The following DLGAP4 variants were observed in gnomAD, a reference collection of about 807,000 sequenced individuals.
The protein encoded by DLGAP4 is disks large-associated protein 4.
Under a neutral mutation model 86.9 loss-of-function variants are expected in DLGAP4, and 18 were observed. The ratio of observed to expected loss-of-function variants is 0.21; its 90% CI spans 0.14 to 0.31. The LOEUF is 0.31. Among genes scored for constraint, DLGAP4 ranks in the 10% least tolerant of loss-of-function variants. DLGAP4 has a pLI of 1.00. For missense variants in DLGAP4, 1,085 were observed against 1,362.6 expected (o/e 0.80, Z 3.21); for synonymous variants, 548 against 574.3 (o/e 0.95, Z 0.65).
chr20:36,363,792 T>A (rs1372110551), intron 1 of DLGAP4, among the ~76,000 whole-genome samples: 1 of 152,188 alleles, frequency 6.6e-6, no homozygotes, highest in Non-Finnish European at 1.5e-5. Context: ...GGGTTTGGAA[T>A]TTTGTCTCAT....
At chr20:36,327,932 C>T (rs2065232488) in intron 1 of DLGAP4, among the ~76,000 whole-genome samples, 1 of 148,740 alleles carries the variant, frequency 6.7e-6, no homozygotes, top group African/African-American at 2.4e-5. Flanking sequence ...GGCACAGTGG[C>T]TCACGCCTGT....
chr20:36,483,028 C>T (rs188583652), intron 7 of DLGAP4, among the ~76,000 whole-genome samples: 254 of 152,250 alleles, frequency 1.7e-3, no homozygotes, highest in Middle Eastern at 3.4e-3. Context: ...GTAGCTTGGG[C>T]GCTACCATCT....
At position 36,306,768 on chromosome 20, in the gene DLGAP4, C is replaced by T. The variant is rs1449706255; in HGVS notation, c.-304+256C>T. Among the ~76,000 whole-genome samples the T allele has an allele frequency of 2.0e-5, 3 of 152,100 alleles. No homozygotes were observed. Among genetic ancestry groups the T allele is most frequent in the Non-Finnish European group, 2.9e-5 (2 of 67,994 alleles). ...TCCATGTCTCCCCGGACCCTCAAAT[C>T]GGGGGCGGCGGCACCGGGGCCCGGA... On this transcript the variant is annotated intron_variant, in intron 1 of 12. Coordinates refer to ENST00000339266, the MANE Select transcript of DLGAP4 (RefSeq NM_001365621.2). This position sits in a 1 kb window ranked among gnomAD's most constrained non-coding sequence, Gnocchi z 4.9.
intron 7 of DLGAP4, among the ~76,000 whole-genome samples, chr20:36,479,679 A>T (rs1287586127): frequency 6.6e-6 from 1 of 152,134 alleles, no homozygotes; most frequent in Non-Finnish European, 1.5e-5. Context: ...GTGTGTTGGC[A>T]TGAAGGGGGT....
chr20:36,340,940 C>T (rs1910029770), intron 1 of DLGAP4, among the ~76,000 whole-genome samples: 1 of 152,230 alleles, frequency 6.6e-6, no homozygotes. Flanking sequence ...CACATGCCAG[C>T]AAGTTGGGCC....
chr20:36,481,106 G>A (rs113050675), intron 7 of DLGAP4, among the ~76,000 whole-genome samples: 10 of 152,100 alleles, frequency 6.6e-5, no homozygotes, highest in East Asian at 1.9e-4. Context: ...TCTCAGGCCC[G>A]GTAGGAATCT....
intron 2 of DLGAP4, among the ~76,000 whole-genome samples, chr20:36,377,111 A>G (rs1462061973): frequency 1.3e-5 from 2 of 152,196 alleles, no homozygotes; most frequent in Non-Finnish European, 2.9e-5. Flanking sequence ...TGGAGGAGGC[A>G]GGGTCTGGGT....
chr20:36,499,077 G>T, intron 8 of DLGAP4: 1 of 679,990 alleles, frequency 1.5e-6, no homozygotes, highest in Non-Finnish European at 2.5e-6. Flanking sequence ...AGGCGCCTCT[G>T]GCCTGCCCTC....
chr20:36,358,765 G>C (rs2030419556), intron 1 of DLGAP4, among the ~76,000 whole-genome samples: 2 of 152,108 alleles, frequency 1.3e-5, no homozygotes, highest in African/African-American at 2.4e-5. Flanking sequence ...CCGAGATGGT[G>C]CCACTGCACT....
intron 10 of DLGAP4, among the ~76,000 whole-genome samples, chr20:36,514,942 G>A (rs577822555): frequency 1.3e-5 from 2 of 152,228 alleles, no homozygotes; most frequent in Non-Finnish European, 2.9e-5. Flanking sequence ...GATGGGAGCA[G>A]AGTCATCACC....
chr20:36,453,298 A>T (rs970313927), intron 7 of DLGAP4, among the ~76,000 whole-genome samples: 22 of 151,778 alleles, frequency 1.4e-4, no homozygotes, highest in African/African-American at 4.6e-4. Flanking sequence ...TCTACAAAAA[A>T]TTTTTTTTTA....
intron 2 of DLGAP4, among the ~76,000 whole-genome samples, chr20:36,425,154 GA>G (rs1316683494): frequency 6.6e-6 from 1 of 152,156 alleles, no homozygotes; most frequent in Non-Finnish European, 1.5e-5. Context: ...CAGAATGGGA[GA>G]AAATATTTAC....
At chr20:36,402,051 G>T (rs1444824073) in intron 2 of DLGAP4, among the ~76,000 whole-genome samples, 1 of 152,180 alleles carries the variant, frequency 6.6e-6, no homozygotes, top group African/African-American at 2.4e-5. Context: ...CTACATCTGT[G>T]TTCAGTAGAT....
At position 36,528,446 on chromosome 20, in the gene DLGAP4, A is replaced by ATCC. The variant is rs2037904105; in HGVS notation, c.*1415_*1416insTCC. 2 of 141,324 alleles carry ATCC rather than the reference A, an allele frequency of 1.4e-5. No homozygotes were observed. Among genetic ancestry groups the ATCC allele is most frequent in the Non-Finnish European group, 3.1e-5 (2 of 65,506 alleles). 8.8% of individuals were successfully genotyped at this position (141,324 alleles called of 1,614,324 possible). On this transcript the variant is annotated 3_prime_UTR_variant, in exon 13 of 13. Transcript: ENST00000339266. ...TGGCTGGCGCTTGCTGCAGGGGGGG[A>ATCC]CCCCCCCCCGTCCCCAGGTGAACCA...
At chr20:36,499,086 T>C in intron 8 of DLGAP4, 1 of 730,746 alleles carries the variant, frequency 1.4e-6, no homozygotes. Flanking sequence ...TGGCCTGCCC[T>C]CCAGGTTTCT....
chr20:36,317,263 CTTTCTTTCTTTCT>C (rs2065112991), intron 1 of DLGAP4, among the ~76,000 whole-genome samples: 2,310 of 53,034 alleles, frequency 0.044, 77 homozygotes, highest in African/African-American at 0.18. Flanking sequence ...TTCTTTCTTT[CTTTCTTTCTTTCT>C]TATCTTTCTT....
intron 7 of DLGAP4, among the ~76,000 whole-genome samples, chr20:36,476,163 T>G (rs2034906762): frequency 6.6e-6 from 1 of 151,906 alleles, no homozygotes; most frequent in Middle Eastern, 3.4e-3. Flanking sequence ...TTAACCATTT[T>G]TAAGTGTGCA....
intron 2 of DLGAP4, among the ~76,000 whole-genome samples, chr20:36,377,891 C>T (rs1046380738): frequency 9.8e-5 from 15 of 152,334 alleles, no homozygotes; most frequent in African/African-American, 3.1e-4. Flanking sequence ...ATAAATTTGG[C>T]CCAGGCTTTT....
intron 1 of DLGAP4, among the ~76,000 whole-genome samples, chr20:36,310,208 G>GA (rs1291589530): frequency 9.3e-3 from 12 of 1,290 alleles, no homozygotes; most frequent in South Asian, 0.022. Context: ...AAGAAAGAAA[G>GA]AAAGAAAGAA....
Sources: allele counts gnomAD v4.1 joint callset (sites outside exome capture counted in the v4.1 genomes callset), GRCh38; gene constraint gnomAD v4.1.1; non-coding constraint Gnocchi (gnomAD v3.1); transcripts MANE v1.5; gene names NCBI Gene and HGNC (gene_info 2026-07-23, HGNC 2026-07-21).